CCDC148: variants seen among roughly 807,000 people sequenced by gnomAD.
The protein encoded by CCDC148 is coiled-coil domain containing 148, also known as coiled-coil domain-containing protein 148.
A neutral mutation model predicts 85.7 loss-of-function variants in CCDC148; 89 were observed. The ratio of observed to expected loss-of-function variants is 1.04; its 90% CI spans 0.87 to 1.24. The LOEUF is 1.24. Ranked by LOEUF, CCDC148 falls within the 50% of genes most tolerant of loss-of-function variation. The pLI, the probability that CCDC148 is intolerant of heterozygous loss-of-function variation, is 0.00. For missense variants in CCDC148, 692 were observed against 671.7 expected (o/e 1.03, Z -0.33); for synonymous variants, 230 against 213.9 (o/e 1.08, Z -0.66).
intron 10 of CCDC148, among the ~76,000 whole-genome samples, chr2:158,233,048 T>C (rs1687928785): frequency 6.6e-6 from 1 of 152,174 alleles, no homozygotes; most frequent in Non-Finnish European, 1.5e-5. Flanking sequence ...AAATGATACA[T>C]GTTTGAGGTA....
intron 1 of CCDC148, among the ~76,000 whole-genome samples, chr2:158,359,861 G>C (rs1683853398): frequency 6.6e-6 from 1 of 152,154 alleles, no homozygotes; most frequent in Non-Finnish European, 1.5e-5. Flanking sequence ...TGAAACCAGG[G>C]AGCCAAGTGA....
intron 1 of CCDC148, among the ~76,000 whole-genome samples, chr2:158,444,052 G>C (rs999204576): frequency 3.3e-5 from 5 of 152,208 alleles, no homozygotes; most frequent in Admixed American, 2.6e-4. Context: ...ATATTTTAGA[G>C]TAATAGTCAG....
intron 11 of CCDC148, among the ~76,000 whole-genome samples, chr2:158,204,378 G>C (rs1014633676): frequency 1.3e-5 from 2 of 152,076 alleles, no homozygotes; most frequent in African/African-American, 4.8e-5. Context: ...TTGACCAGTG[G>C]ATAAAACAGA....
chr2:158,309,461 T>C lies in CCDC148; in HGVS notation c.1082A>G (p.Gln361Arg), dbSNP rs2105208641. Residue 361 changes from glutamine (Q) to arginine (R), a missense_variant, in exon 9 of 14, where the codon CAG (glutamine) becomes CGG (arginine). Gln to Arg is a conservative substitution (Grantham distance 43). Coordinates refer to ENST00000283233, the MANE Select transcript of CCDC148 (RefSeq NM_138803.4). ...SMLAKDKKKQ[Q>R]ELCADLKAKV... is the part of the protein sequence containing the mutation. The stretch of plus-strand genomic sequence containing the variant: ...GGCTTTCAGATCAGCACACAATTCC[T>C]GTTGCTTTTTCTTGTCCTTAGCCAA... 1.9e-6 allele frequency: 3 copies of C among 1,614,166 alleles called. No homozygotes were observed. Among genetic ancestry groups the C allele is most frequent in the African/African-American group, 1.3e-5 (1 of 75,072 alleles).
In CCDC148 at chr2:158,363,476, C is replaced by G. The variant is rs375968706; in HGVS notation, c.26-4906G>C. Among the ~76,000 whole-genome samples the G allele has an allele frequency of 3.1e-4, 47 of 152,158 alleles. 2 individuals are homozygous for G. The highest frequency in any genetic ancestry group is 1.5e-3 in the South Asian group (7 of 4,810). ...AAAAGCTTATCCACCATGATCAAGT[C>G]GGCTTCATATCTGGGATGCAAGTCT... On this transcript the variant is annotated intron_variant, in intron 1 of 13. Transcript: ENST00000283233.
At chr2:158,240,444 TCTCTCTCTCACA>T (rs1303664054) in intron 10 of CCDC148, among the ~76,000 whole-genome samples, 1 of 50,660 alleles carries the variant, frequency 2.0e-5, no homozygotes, top group Non-Finnish European at 4.8e-5. Context: ...TTTCTCTCTC[TCTCTCTCTCACA>T]CACACACACA....
At chr2:158,373,016 G>A (rs530047725) in intron 1 of CCDC148, among the ~76,000 whole-genome samples, 1 of 152,064 alleles carries the variant, frequency 6.6e-6, no homozygotes, top group African/African-American at 2.4e-5. Flanking sequence ...AGGTGGCAAA[G>A]ATAATTTAGA....
chr2:158,178,836 T>TA (rs1285778428), intron 12 of CCDC148, 43 bp downstream of exon 12: 1 of 1,367,946 alleles, frequency 7.3e-7, no homozygotes, highest in East Asian at 2.3e-5. Context: ...AGAAACATTT[T>TA]TTTTAAAAAA....
At chr2:158,410,020 C>A (rs1016097758) in intron 1 of CCDC148, among the ~76,000 whole-genome samples, 1 of 152,148 alleles carries the variant, frequency 6.6e-6, no homozygotes, top group Non-Finnish European at 1.5e-5. Flanking sequence ...GTGAGGCATC[C>A]CCAGCCATGT....
At position 158,246,246 on chromosome 2, in the gene CCDC148, C is replaced by A. The variant is rs576934038; in HGVS notation, c.1251+4526G>T. On this transcript the variant is annotated intron_variant, in intron 10 of 13. Transcript: ENST00000283233. The stretch of plus-strand genomic sequence containing the variant: ...AGAGCACCAGCTACCAAAGCAACAC[C>A]TCTCATGACAGCAGGGGGCTGCTGG... Among the ~76,000 whole-genome samples, 16 of 152,288 alleles carry A rather than the reference C, an allele frequency of 1.1e-4. No homozygotes were observed. In the South Asian group the frequency reaches 3.1e-3, roughly 30 times the overall value.
chr2:158,198,302 G>A (rs529873758), intron 11 of CCDC148, among the ~76,000 whole-genome samples: 1 of 152,040 alleles, frequency 6.6e-6, no homozygotes, highest in African/African-American at 2.4e-5. Context: ...TTGAAAACAG[G>A]GACAGTGTCA....
At chr2:158,181,858 G>A (rs1684920599) in intron 11 of CCDC148, among the ~76,000 whole-genome samples, 1 of 151,854 alleles carries the variant, frequency 6.6e-6, no homozygotes, top group Admixed American at 6.6e-5. Context: ...AGTATCTGCT[G>A]TGATATGCAG....
At chr2:158,238,987 G>C (rs1357081162) in intron 10 of CCDC148, among the ~76,000 whole-genome samples, 1 of 152,060 alleles carries the variant, frequency 6.6e-6, no homozygotes, top group Non-Finnish European at 1.5e-5. Context: ...GTGACTTTGG[G>C]GAAATTACAT....
chr2:158,214,574 T>A (rs1686749207), intron 11 of CCDC148, among the ~76,000 whole-genome samples: 1 of 152,174 alleles, frequency 6.6e-6, no homozygotes, highest in African/African-American at 2.4e-5. Flanking sequence ...TCATGTTTCA[T>A]TCTTTGTCTT....
At chr2:158,305,352 A>G (rs1691634602) in intron 9 of CCDC148, among the ~76,000 whole-genome samples, 1 of 152,202 alleles carries the variant, frequency 6.6e-6, no homozygotes, top group Non-Finnish European at 1.5e-5. Flanking sequence ...ACCCAGGGAC[A>G]CAGGCCCTGC....
chr2:158,431,172 A>G (rs1687330659), intron 1 of CCDC148, among the ~76,000 whole-genome samples: 1 of 152,028 alleles, frequency 6.6e-6, no homozygotes, highest in Non-Finnish European at 1.5e-5. Context: ...TTTAAAAAAT[A>G]AAAGTCAAAA....
intron 1 of CCDC148, among the ~76,000 whole-genome samples, chr2:158,359,383 G>A (rs977363567): frequency 2.0e-5 from 3 of 152,154 alleles, no homozygotes; most frequent in African/African-American, 7.2e-5. Flanking sequence ...AGGGTAGGGC[G>A]ACCTGGCAAT....
At chr2:158,258,298 C>T (rs182920978) in intron 9 of CCDC148, among the ~76,000 whole-genome samples, 1 of 151,964 alleles carries the variant, frequency 6.6e-6, no homozygotes, top group Admixed American at 6.6e-5. Context: ...TAATCCCTCC[C>T]AATGCTAAGG....
At chr2:158,285,103 C>T (rs1164654316) in intron 9 of CCDC148, among the ~76,000 whole-genome samples, 1 of 151,984 alleles carries the variant, frequency 6.6e-6, no homozygotes, top group Non-Finnish European at 1.5e-5. Flanking sequence ...GCCTGGCCAA[C>T]ATGGTGAAAC....
Sources: gnomAD v4.1 joint callset for allele counts (sites outside exome capture counted in the v4.1 genomes callset) on GRCh38, gnomAD v4.1.1 for gene constraint, MANE v1.5 for transcripts, NCBI Gene and HGNC (gene_info 2026-07-23, HGNC 2026-07-21) for gene names.